IGSF11: variants seen among roughly 807,000 people sequenced by gnomAD.
The protein encoded by IGSF11 is immunoglobulin superfamily member 11.
Under a neutral mutation model 41.0 loss-of-function variants are expected in IGSF11, and 22 were observed. The observed-to-expected ratio is 0.54, with a 90% CI of 0.38 to 0.77. The LOEUF is 0.77. Ranked by LOEUF, IGSF11 falls within the 30% of genes least tolerant of loss-of-function variation. The pLI, the probability that IGSF11 is intolerant of heterozygous loss-of-function variation, is 0.00. For synonymous variants in IGSF11, 219 were observed against 201.3 expected, an observed-to-expected ratio of 1.09 and a Z score of -0.74; for missense variants, 444 against 530.8, an observed-to-expected ratio of 0.84 and a Z score of 1.61.
At chr3:119,116,106 G>A (rs2077252527) in intron 1 of IGSF11, among the ~76,000 whole-genome samples, 1 of 152,080 alleles carries the variant, frequency 6.6e-6, no homozygotes. Context: ...ATTATTTCTG[G>A]GTGTGTCTGG....
intron 4 of IGSF11, among the ~76,000 whole-genome samples, chr3:118,914,346 G>A (rs1187316559): frequency 4.0e-5 from 6 of 151,828 alleles, no homozygotes; most frequent in Admixed American, 1.3e-4. Flanking sequence ...CTGAGGTACC[G>A]GGTTCATCTC....
At chr3:118,981,027 G>A (rs1009906873) in intron 1 of IGSF11, among the ~76,000 whole-genome samples, 3 of 152,094 alleles carry the variant, frequency 2.0e-5, no homozygotes, top group African/African-American at 7.2e-5. Context: ...GTAACATCTG[G>A]GACAGTGGTT....
At chr3:119,106,490 C>A (rs2077027289), upstream of IGSF11, among the ~76,000 whole-genome samples, 1 of 152,190 alleles carries the variant, frequency 6.6e-6, no homozygotes, top group Non-Finnish European at 1.5e-5. Flanking sequence ...CTTCACCTGA[C>A]ATAATGACCT....
intron 1 of IGSF11, among the ~76,000 whole-genome samples, chr3:119,017,039 C>CCAAAAAAAAAAA (rs1553713302): frequency 1.1e-5 from 1 of 88,336 alleles, no homozygotes; most frequent in Admixed American, 1.1e-4. Context: ...GGACGCAGGA[C>CCAAAAAAAAAAA]AAAAAAAAAA....
At chr3:119,103,041 A>G (rs1469113259) in intron 1 of IGSF11, among the ~76,000 whole-genome samples, 1 of 135,334 alleles carries the variant, frequency 7.4e-6, no homozygotes, top group East Asian at 2.2e-4. Flanking sequence ...TCTGTCGCCC[A>G]GGCTGGAATG....
intron 1 of IGSF11, among the ~76,000 whole-genome samples, chr3:119,067,098 AGT>A (rs1400637295): frequency 6.6e-6 from 1 of 152,160 alleles, no homozygotes; most frequent in East Asian, 1.9e-4. Flanking sequence ...ATGTAAATCT[AGT>A]AGCTTTTTAT....
intron 1 of IGSF11, among the ~76,000 whole-genome samples, chr3:118,998,393 C>T (rs995897859): frequency 1.3e-5 from 2 of 152,070 alleles, no homozygotes; most frequent in Admixed American, 1.3e-4. Flanking sequence ...CTCAAGATGA[C>T]TTTTACCAGC....
chr3:119,089,116 G>A (rs575883614), intron 1 of IGSF11, among the ~76,000 whole-genome samples: 1 of 152,096 alleles, frequency 6.6e-6, no homozygotes, highest in African/African-American at 2.4e-5. Context: ...ATCTGGCAGA[G>A]GCATAATAAA....
At chr3:119,113,606 T>G (rs751118736) in intron 1 of IGSF11, among the ~76,000 whole-genome samples, 9 of 152,210 alleles carry the variant, frequency 5.9e-5, no homozygotes, top group Non-Finnish European at 1.2e-4. Flanking sequence ...ACAGCCCCCA[T>G]GACTGCTTTC....
At chr3:119,112,341 T>G (rs551167956) in intron 1 of IGSF11, among the ~76,000 whole-genome samples, 1 of 152,288 alleles carries the variant, frequency 6.6e-6, no homozygotes, top group Non-Finnish European at 1.5e-5. Context: ...TGCAGTTTGA[T>G]CTCAGAGTGT....
intron 1 of IGSF11, among the ~76,000 whole-genome samples, chr3:119,093,459 T>C (rs1056246395): frequency 6.6e-6 from 1 of 152,064 alleles, no homozygotes; most frequent in African/African-American, 2.4e-5. Flanking sequence ...AAACACTTCT[T>C]AGGAAAAATT....
rs1279008537 is a variant in IGSF11 at position 119,014,953 on chromosome 3, A to G, written c.52+19578T>C. Among the ~76,000 whole-genome samples, 4 of 152,214 alleles carry G rather than the reference A, an allele frequency of 2.6e-5. No individual in the cohort carries two copies. In the South Asian group the frequency reaches 8.3e-4, roughly 32 times the overall value. ...TTTTTATGTATCTAAAAAGTGTATGAGTCATATACAGTATGCTAAATGTCT... is the reference window on the plus strand; with the variant it reads ...TTTTTATGTATCTAAAAAGTGTATGGGTCATATACAGTATGCTAAATGTCT... On this transcript the variant is annotated intron_variant, in intron 1 of 6. Transcript: ENST00000393775.
At chr3:119,008,729 GA>G (rs1369986945) in intron 1 of IGSF11, among the ~76,000 whole-genome samples, 2 of 152,208 alleles carry the variant, frequency 1.3e-5, no homozygotes, top group Non-Finnish European at 2.9e-5. Flanking sequence ...GAGGTACCCA[GA>G]TATTTGGTCA....
At chr3:119,115,012 A>ACAGATCTCAC (rs2077236327) in intron 1 of IGSF11, among the ~76,000 whole-genome samples, 1 of 152,180 alleles carries the variant, frequency 6.6e-6, no homozygotes, top group Non-Finnish European at 1.5e-5. Context: ...ACACTTTAAA[A>ACAGATCTCAC]TAACCAGATC....
intron 1 of IGSF11, among the ~76,000 whole-genome samples, chr3:119,055,394 G>C (rs150667843): frequency 6.6e-6 from 1 of 152,272 alleles, no homozygotes; most frequent in African/African-American, 2.4e-5. Context: ...TAACGCTAAA[G>C]GGATCAATTC....
intron 1 of IGSF11, among the ~76,000 whole-genome samples, chr3:118,940,526 A>C (rs1943602886): frequency 6.6e-6 from 1 of 152,138 alleles, no homozygotes; most frequent in African/African-American, 2.4e-5. Context: ...AGAGAAATTT[A>C]AAGACTTTAC....
chr3:119,100,559 A>G (rs1321600117), intron 1 of IGSF11, among the ~76,000 whole-genome samples: 1 of 152,248 alleles, frequency 6.6e-6, no homozygotes, highest in East Asian at 1.9e-4. Flanking sequence ...CACTGCTTAG[A>G]AATGTTTTAG....
chr3:119,040,590 G>A (rs1941082234), intron 1 of IGSF11, among the ~76,000 whole-genome samples: 1 of 152,110 alleles, frequency 6.6e-6, no homozygotes. Flanking sequence ...TTTTTTCTTA[G>A]TATTCTGTCA....
At chr3:119,113,661 C>T (rs62273474) in intron 1 of IGSF11, among the ~76,000 whole-genome samples, 30,030 of 152,148 alleles carry the variant, frequency 0.2, 3,227 homozygotes, top group South Asian at 0.29. Context: ...GCACATGGTG[C>T]AAGCTGTCGA....
Sources: allele counts gnomAD v4.1 joint callset (sites outside exome capture counted in the v4.1 genomes callset), GRCh38; gene constraint gnomAD v4.1.1; transcripts MANE v1.5; gene names NCBI Gene and HGNC (gene_info 2026-07-23, HGNC 2026-07-21).